The following CFAP299 variants were observed in gnomAD, a reference collection of about 807,000 sequenced individuals.
CFAP299 encodes the protein cilia- and flagella-associated protein 299.
In CFAP299, 21 loss-of-function variants were observed where a neutral mutation model predicts 27.0. The ratio of observed to expected loss-of-function variants is 0.78; its 90% CI spans 0.55 to 1.12. The LOEUF (loss-of-function observed/expected upper bound fraction) is 1.12, where lower values mean the gene tolerates loss of function less well. CFAP299 is among the 50% of genes most tolerant of loss of function. The pLI, the probability that CFAP299 is intolerant of heterozygous loss-of-function variation, is 0.00. For synonymous variants in CFAP299, 104 were observed against 98.1 expected (o/e 1.06, Z -0.36); for missense variants, 310 against 276.6 (o/e 1.12, Z -0.86).
intron 2 of CFAP299, among the ~76,000 whole-genome samples, chr4:80,519,451 C>G (rs35936345): frequency 1.3e-5 from 2 of 152,048 alleles, no homozygotes; most frequent in African/African-American, 4.8e-5. Context: ...AAGTGATCCA[C>G]CTGCCTCAGC....
At chr4:80,719,252 T>C (rs1722679623) in intron 3 of CFAP299, among the ~76,000 whole-genome samples, 1 of 152,126 alleles carries the variant, frequency 6.6e-6, no homozygotes, top group Non-Finnish European at 1.5e-5. Flanking sequence ...TGAGTTAACC[T>C]ATATAACAAA....
intron 4 of CFAP299, among the ~76,000 whole-genome samples, chr4:80,936,824 T>C (rs986762144): frequency 3.3e-5 from 5 of 152,142 alleles, no homozygotes; most frequent in Non-Finnish European, 7.4e-5. Context: ...CATGATAAGA[T>C]GAAAAAAATA....
At chr4:80,753,032 TAAA>T (rs1000181861) in intron 3 of CFAP299, among the ~76,000 whole-genome samples, 1 of 151,406 alleles carries the variant, frequency 6.6e-6, no homozygotes. Context: ...ATGCAAATAT[TAAA>T]AAAAAACTAT....
At chr4:80,630,038 G>T (rs1013845777) in intron 3 of CFAP299, among the ~76,000 whole-genome samples, 1 of 151,918 alleles carries the variant, frequency 6.6e-6, no homozygotes, top group Non-Finnish European at 1.5e-5. Flanking sequence ...GAGAAAATTC[G>T]TGAACTGATC....
At chr4:80,737,432 G>A (rs926993014) in intron 3 of CFAP299, among the ~76,000 whole-genome samples, 1 of 152,060 alleles carries the variant, frequency 6.6e-6, no homozygotes, top group East Asian at 1.9e-4. Flanking sequence ...TTTCTTTTCT[G>A]GGAGATATTT....
intron 3 of CFAP299, among the ~76,000 whole-genome samples, chr4:80,788,993 T>C (rs1021353580): frequency 1.3e-4 from 20 of 152,142 alleles, no homozygotes; most frequent in African/African-American, 4.8e-4. Context: ...CTGCTCTCTT[T>C]GGCACATTGC....
intron 3 of CFAP299, among the ~76,000 whole-genome samples, chr4:80,604,924 A>G (rs903347381): frequency 6.6e-6 from 1 of 151,884 alleles, no homozygotes; most frequent in Non-Finnish European, 1.5e-5. Flanking sequence ...CTAGGAAAGG[A>G]TAAGGGAGAG....
In CFAP299 at chr4:80,538,798, C is replaced by T. The variant is rs180835884; in HGVS notation, c.243-44295C>T. ...GTTTGCATGATGAACTTGCCTAACT[C>T]TGCGTTTCTCAGAATATATACCCGT... On this transcript the variant is annotated intron_variant, in intron 2 of 5. Transcript: ENST00000358105. Among the ~76,000 whole-genome samples, 55 of 152,282 alleles carry T rather than the reference C, an allele frequency of 3.6e-4. 1 individual carries two copies. Among genetic ancestry groups the T allele is most frequent in the African/African-American group, 1.2e-3 (51 of 41,560 alleles).
At chr4:80,858,634 A>G (rs1453799092) in intron 3 of CFAP299, among the ~76,000 whole-genome samples, 3 of 152,050 alleles carry the variant, frequency 2.0e-5, no homozygotes. Context: ...GTTTCAAAGA[A>G]CATCTTTATT....
chr4:80,884,568 A>G (rs1006857397), intron 4 of CFAP299, among the ~76,000 whole-genome samples: 1 of 151,894 alleles, frequency 6.6e-6, no homozygotes, highest in Non-Finnish European at 1.5e-5. Context: ...AAATATTTCA[A>G]ATAACCTAAC....
chr4:80,904,269 A>G (rs1248736147), intron 4 of CFAP299, among the ~76,000 whole-genome samples: 15 of 152,140 alleles, frequency 9.9e-5, no homozygotes, highest in Admixed American at 9.8e-4. Flanking sequence ...CTTCCTTAAA[A>G]TGGTTCCAGA....
intron 2 of CFAP299, among the ~76,000 whole-genome samples, chr4:80,452,229 T>C (rs537467994): frequency 2.2e-4 from 33 of 152,096 alleles, no homozygotes; most frequent in African/African-American, 7.7e-4. Context: ...TAAAGGAACA[T>C]GTAGGCTTTG....
At chr4:80,656,332 C>T (rs1740552381) in intron 3 of CFAP299, among the ~76,000 whole-genome samples, 1 of 152,032 alleles carries the variant, frequency 6.6e-6, no homozygotes, top group African/African-American at 2.4e-5. Context: ...CCCATCACCC[C>T]ATCATCTACA....
chr4:80,727,814 C>G (rs1723245792), intron 3 of CFAP299, among the ~76,000 whole-genome samples: 1 of 151,638 alleles, frequency 6.6e-6, no homozygotes, highest in African/African-American at 2.4e-5. Flanking sequence ...CATTGACAAG[C>G]AAAATATTTT....
At chr4:80,860,042 G>C (rs1732217161) in intron 3 of CFAP299, among the ~76,000 whole-genome samples, 1 of 152,092 alleles carries the variant, frequency 6.6e-6, no homozygotes, top group African/African-American at 2.4e-5. Context: ...TCACTTTCAG[G>C]TACACCAATC....
chr4:80,564,117 T>C (rs1418531689), intron 2 of CFAP299, among the ~76,000 whole-genome samples: 1 of 151,994 alleles, frequency 6.6e-6, no homozygotes, highest in African/African-American at 2.4e-5. Context: ...GAAGAGTTAA[T>C]ACCAATCCTA....
intron 3 of CFAP299, among the ~76,000 whole-genome samples, chr4:80,605,230 A>G (rs893462084): frequency 6.6e-6 from 1 of 152,206 alleles, no homozygotes; most frequent in East Asian, 1.9e-4. Context: ...CATTGAAGAA[A>G]TACTTCTGGT....
In CFAP299 at chr4:80,838,090, G is replaced by A. The variant is rs191517082; in HGVS notation, c.334-31903G>A. 4.1e-4 allele frequency among the ~76,000 whole-genome samples: 62 copies of A among 151,444 alleles called. 1 individual carries two copies. The Middle Eastern group carries it at 0.01, about 25-fold the overall frequency. ...TGTCTTCTCTTGAGAAGTGTCCTTC[G>A]ACCACTTTTTGATGGGGTTGTTTGT... On this transcript the variant is annotated intron_variant, in intron 3 of 5. Coordinates refer to ENST00000358105, the MANE Select transcript of CFAP299 (RefSeq NM_152770.3).
At chr4:80,786,751 T>G (rs1047113485) in intron 3 of CFAP299, among the ~76,000 whole-genome samples, 2 of 152,098 alleles carry the variant, frequency 1.3e-5, no homozygotes, top group Non-Finnish European at 2.9e-5. Context: ...TGTAACTGCT[T>G]CAGCCACTGG....
Sources: gnomAD v4.1 joint callset for allele counts (sites outside exome capture counted in the v4.1 genomes callset) on GRCh38, gnomAD v4.1.1 for gene constraint, MANE v1.5 for transcripts, NCBI Gene and HGNC (gene_info 2026-07-23, HGNC 2026-07-21) for gene names.